ANAPC2: variants seen among roughly 807,000 people sequenced by gnomAD.
The protein encoded by ANAPC2 is anaphase promoting complex subunit 2.
Under a neutral mutation model 84.3 loss-of-function variants are expected in ANAPC2, and 29 were observed. The observed-to-expected ratio is 0.34, with a 90% confidence interval of 0.26 to 0.47. The LOEUF is 0.47. ANAPC2 is among the 20% of genes least tolerant of loss of function. The pLI, the probability that ANAPC2 is intolerant of heterozygous loss-of-function variation, is 1.00. For missense variants in ANAPC2, 857 were observed against 1,131.7 expected (o/e 0.76, Z 3.48); for synonymous variants, 571 against 479.4 (o/e 1.19, Z -2.50).
chr9:137,177,882 C>T (rs1834258606), intron 10 of ANAPC2, among the ~76,000 whole-genome samples: 1 of 152,148 alleles, frequency 6.6e-6, no homozygotes. Context: ...AGCGAGGCAC[C>T]CACAGGCCCC....
chr9:137,183,066 G>C, intron 6 of ANAPC2, 59 bp downstream of exon 6: 1 of 1,413,410 alleles, frequency 7.1e-7, no homozygotes, highest in East Asian at 2.3e-5. Flanking sequence ...CCAGGACCAC[G>C]AGGAGCTCAG....
chr9:137,188,161 G>A (rs1252905172), intron 1 of ANAPC2, 58 bp from the exon 2 acceptor site: 2 of 1,562,896 alleles, frequency 1.3e-6, no homozygotes, highest in Non-Finnish European at 8.6e-7. Context: ...GGGAGAGGCG[G>A]GGAAGGGAAG....
chr9:137,180,413 C>G (rs370349824), intron 9 of ANAPC2, 29 bp from the exon 10 acceptor site: 7 of 1,612,472 alleles, frequency 4.3e-6, no homozygotes, highest in Non-Finnish European at 5.9e-6. Flanking sequence ...CACGGGGGAC[C>G]TGCGGGGCGG....
chr9:137,177,970 C>A (rs1271618898), intron 10 of ANAPC2, among the ~76,000 whole-genome samples: 1 of 152,112 alleles, frequency 6.6e-6, no homozygotes, highest in Admixed American at 6.6e-5. Context: ...CCCTGCTGAC[C>A]CTGACTTTAG....
Position 137,180,676 on chromosome 9 carries a change from C to T in ANAPC2, c.1610+112G>A, listed in dbSNP as rs534830248. ...GCACACCCCCAGCCAGGAGTGGGGG[C>T]GGAAGCACAGCTCCAACCAGGCCCC... is the stretch of plus-strand genomic sequence containing the variant. On this transcript the variant is annotated intron_variant, in intron 8 of 12. Transcript: ENST00000323927. 43 of 1,558,080 alleles carry T rather than the reference C, an allele frequency of 2.8e-5. No individual in the cohort carries two copies. In the East Asian group the frequency reaches 4.1e-4, roughly 15 times the overall value.
chr9:137,179,839 A>T (rs754837500), intron 10 of ANAPC2, among the ~76,000 whole-genome samples: 1 of 152,214 alleles, frequency 6.6e-6, no homozygotes, highest in Non-Finnish European at 1.5e-5. Context: ...TGAGAGGCAG[A>T]GGGTGGATAG....
At chr9:137,178,271 T>C (rs1834266090) in intron 10 of ANAPC2, among the ~76,000 whole-genome samples, 1 of 152,234 alleles carries the variant, frequency 6.6e-6, no homozygotes, top group Non-Finnish European at 1.5e-5. Flanking sequence ...GGTGACGCTG[T>C]GGGCTGCATG....
At chr9:137,176,780 T>C (rs1834228725) in intron 10 of ANAPC2, 1 of 152,228 alleles carries the variant, frequency 6.6e-6, no homozygotes, top group Non-Finnish European at 1.5e-5. Flanking sequence ...TGCTCTGCTG[T>C]TGGGTGCGAA....
At chr9:137,176,535 G>A (rs1232041409) in intron 10 of ANAPC2, 1 of 152,324 alleles carries the variant, frequency 6.6e-6, no homozygotes, top group Non-Finnish European at 1.5e-5. Context: ...AGTGGGTGAT[G>A]GGGAGAGGCT....
chr9:137,185,763 C>A (rs1337671263), intron 3 of ANAPC2, among the ~76,000 whole-genome samples: 1 of 152,194 alleles, frequency 6.6e-6, no homozygotes, highest in Non-Finnish European at 1.5e-5. Context: ...GAGCCCCAGA[C>A]CACACCCCAA....
In ANAPC2 at chr9:137,175,845, G is replaced by A. The variant is rs778029417; in HGVS notation, c.1891-8C>T. 5 of 1,600,420 alleles carry A rather than the reference G, an allele frequency of 3.1e-6. No individual in the cohort carries two copies. The highest frequency in any genetic ancestry group is 1.7e-5 in the Admixed American group (1 of 58,632). ...ACTGAGGGTCCGCATGGCCTAAGGA[G>A]GGCCAGGGTCAGCACGGGCAGCTCG... On this transcript the variant is annotated splice_region_variant and splice_polypyrimidine_tract_variant and intron_variant, in intron 10 of 12. Coordinates refer to ENST00000323927, the MANE Select transcript of ANAPC2 (RefSeq NM_013366.4).
At chr9:137,188,364 G>A (rs1834525670) in intron 1 of ANAPC2, 52 bp downstream of exon 1, 5 of 1,563,300 alleles carry the variant, frequency 3.2e-6, no homozygotes, top group Admixed American at 1.8e-5. Flanking sequence ...CCCAAAGCGC[G>A]TACGGTCCCG....
rs367818808 is a variant in ANAPC2 at position 137,174,912 on chromosome 9, T to TGGCGGGCGGGCG, written c.*18_*29dup. On this transcript the variant is annotated 3_prime_UTR_variant, in exon 13 of 13. Coordinates refer to ENST00000323927, the MANE Select transcript of ANAPC2 (RefSeq NM_013366.4). The surrounding 1 kb of genome is among the most constrained non-coding windows in gnomAD (Gnocchi z 6.1). ...ACGAGAGCACCTGCAGGGCAGCGCC[T>TGGCGGGCGGGCG]GGCGGGCGGGCGGGCGGGCGGGCGA... The TGGCGGGCGGGCG allele has an allele frequency of 3.2e-4, 177 of 552,344 alleles. No homozygotes were observed. Among genetic ancestry groups the TGGCGGGCGGGCG allele is most frequent in the Non-Finnish European group, 4.1e-4 (154 of 377,670 alleles). 34.2% of individuals were successfully genotyped at this position (552,344 alleles called of 1,614,324 possible).
rs1834186667 is a variant in ANAPC2 at position 137,175,407 on chromosome 9, T to G, written c.2086A>C (p.Met696Leu). ...ACACCCTGCTGCAGCCACACGGACA[T>G]CCGCCGCCGCAGCAGCGCCACGGGC... Reference protein sequence around the residue: ...KMPVALLRRRMSVWLQQGVLR... With the variant: ...KMPVALLRRRLSVWLQQGVLR... Residue 696 changes from methionine (M) to leucine (L), a missense_variant, in exon 12 of 13, where the codon ATG (methionine) becomes CTG (leucine). Around this residue, in one of 3 missense-constraint regions of ANAPC2, gnomAD observed 425 missense variants for 595.5 expected, o/e 0.71. Coordinates refer to ENST00000323927, the MANE Select transcript of ANAPC2 (RefSeq NM_013366.4). The G allele has an allele frequency of 1.9e-6, 3 of 1,607,736 alleles. No homozygotes were observed. The highest frequency in any genetic ancestry group is 2.5e-6 in the Non-Finnish European group (3 of 1,178,042).
In ANAPC2 at chr9:137,187,723, G is replaced by C. The variant is rs749626067; in HGVS notation, c.498C>G (p.Pro166=). ...MLRGVLFFST[P]RTFQEMIQRL... The stretch of plus-strand genomic sequence containing the variant: ...GCTGGATCATCTCTTGGAAGGTTCT[G>C]GGGGTGCTAAAGAACAAGACTCCGC... The change falls in exon 2 of 13, where the codon CCC becomes CCG. Residue 166 remains proline, a synonymous_variant. Coordinates refer to ENST00000323927, the MANE Select transcript of ANAPC2 (RefSeq NM_013366.4). 3 of 1,613,788 alleles carry C rather than the reference G, an allele frequency of 1.9e-6. No individual in the cohort carries two copies. Among genetic ancestry groups the C allele is most frequent in the African/African-American group, 2.7e-5 (2 of 74,940 alleles).
chr9:137,184,876 G>A (rs766003756), intron 4 of ANAPC2, 37 bp downstream of exon 4: 12 of 1,603,912 alleles, frequency 7.5e-6, no homozygotes, highest in African/African-American at 1.3e-5. Flanking sequence ...AGACTCCCCA[G>A]ACGGGAGAGC....
chr9:137,187,918 A>C lies in ANAPC2; in HGVS notation c.303T>G (p.Ser101=), dbSNP rs1014620323. ...GCAAAAGGCACTGGGGCTCATCCGCAGAGTTCTCGCATTGGGAGATGGCAT... is the reference window on the plus strand; with the variant it reads ...GCAAAAGGCACTGGGGCTCATCCGCCGAGTTCTCGCATTGGGAGATGGCAT... ...FWNAISQCEN[S]ADEPQCLLLL... The change falls in exon 2 of 13, where the codon TCT becomes TCG. Residue 101 remains serine, a synonymous_variant. Transcript: ENST00000323927. 7 of 1,613,754 alleles carry C rather than the reference A, an allele frequency of 4.3e-6. No homozygotes were observed. Among genetic ancestry groups the C allele is most frequent in the Middle Eastern group, 1.6e-4 (1 of 6,084 alleles).
intron 10 of ANAPC2, 137 bp from the exon 11 acceptor site, chr9:137,175,974 G>A (rs755086427): frequency 1.1e-5 from 12 of 1,135,346 alleles, no homozygotes; most frequent in East Asian, 7.8e-5. Context: ...GGTGAGCAGC[G>A]AGAGCACAGG....
At chr9:137,187,452 G>C in intron 2 of ANAPC2, 29 bp downstream of exon 2, 2 of 1,583,872 alleles carry the variant, frequency 1.3e-6, no homozygotes, top group East Asian at 4.5e-5. Flanking sequence ...GAAGGAGCAA[G>C]GGCATGGCCA....
Sources: gnomAD v4.1 joint callset for allele counts (sites outside exome capture counted in the v4.1 genomes callset) on GRCh38, gnomAD v4.1.1 for gene constraint, gnomAD v4.1.1 regional missense constraint, Gnocchi (gnomAD v3.1) non-coding constraint, MANE v1.5 for transcripts, NCBI Gene and HGNC (gene_info 2026-07-23, HGNC 2026-07-21) for gene names.